ELMOD1: variants seen among roughly 807,000 people sequenced by gnomAD.
ELMOD1 encodes ELMO domain-containing protein 1.
Under a neutral mutation model 46.7 loss-of-function variants are expected in ELMOD1, and 21 were observed. The ratio of observed to expected loss-of-function variants is 0.45; its 90% CI spans 0.32 to 0.65. ELMOD1 has a LOEUF of 0.65. Among genes scored for constraint, ELMOD1 ranks in the 30% least tolerant of loss-of-function variants. ELMOD1 has a pLI of 0.04. For missense variants in ELMOD1, 348 were observed against 407.8 expected (o/e 0.85, Z 1.26); for synonymous variants, 122 against 138.2 (o/e 0.88, Z 0.82).
At chr11:107,633,345 TACTATTAACCTC>T (rs998160061) in intron 5 of ELMOD1, among the ~76,000 whole-genome samples, 1 of 152,248 alleles carries the variant, frequency 6.6e-6, no homozygotes, top group African/African-American at 2.4e-5. Flanking sequence ...AAACTGTTAC[TACTATTAACCTC>T]ACTTGTTTTA....
At position 107,634,087 on chromosome 11, in the gene ELMOD1, A is replaced by G. The variant is rs183309858; in HGVS notation, c.291-1549A>G. On this transcript the variant is annotated intron_variant, in intron 5 of 11. Transcript: ENST00000265840. ...AAAAATATGATGATGTACAGTGATT[A>G]TAATGACCACCACCACACCACCTCA... is the stretch of plus-strand genomic sequence containing the variant. Among the ~76,000 whole-genome samples the G allele has an allele frequency of 2.5e-3, 384 of 152,284 alleles. 1 individual carries two copies. The highest frequency in any genetic ancestry group is 4.3e-3 in the Non-Finnish European group (293 of 68,030).
At chr11:107,627,535 A>G (rs1866063800) in intron 2 of ELMOD1, among the ~76,000 whole-genome samples, 1 of 152,154 alleles carries the variant, frequency 6.6e-6, no homozygotes, top group Non-Finnish European at 1.5e-5. Context: ...GACTGTCTTG[A>G]TGCAAAACAG....
intron 11 of ELMOD1, among the ~76,000 whole-genome samples, chr11:107,660,803 C>T (rs1016390662): frequency 6.6e-6 from 1 of 152,208 alleles, no homozygotes; most frequent in African/African-American, 2.4e-5. Flanking sequence ...CCTCTCCTTT[C>T]CATGCCACTT....
intron 1 of ELMOD1, among the ~76,000 whole-genome samples, chr11:107,610,998 C>CAAAAA (rs58417281): frequency 6.0e-4 from 57 of 95,738 alleles, no homozygotes; most frequent in East Asian, 1.8e-3. Flanking sequence ...TGTAAGAATC[C>CAAAAA]AAAAAAAAAA....
intron 2 of ELMOD1, among the ~76,000 whole-genome samples, chr11:107,620,962 A>T (rs1214523994): frequency 6.6e-6 from 1 of 152,250 alleles, no homozygotes; most frequent in African/African-American, 2.4e-5. Context: ...ACATTTTTTA[A>T]GTCCCAGCTA....
chr11:107,623,116 C>T (rs1156392039), intron 2 of ELMOD1, among the ~76,000 whole-genome samples: 1 of 151,866 alleles, frequency 6.6e-6, no homozygotes, highest in East Asian at 1.9e-4. Context: ...CTAATGCTAT[C>T]CCTCCCCGAT....
chr11:107,605,550 A>G (rs1865671485), intron 1 of ELMOD1, among the ~76,000 whole-genome samples: 1 of 152,204 alleles, frequency 6.6e-6, no homozygotes, highest in Non-Finnish European at 1.5e-5. Flanking sequence ...TGCTGCCTCC[A>G]TGAAAACAGT....
At chr11:107,642,581 G>T (rs1198651418) in intron 6 of ELMOD1, among the ~76,000 whole-genome samples, 1 of 152,000 alleles carries the variant, frequency 6.6e-6, no homozygotes, top group African/African-American at 2.4e-5. Flanking sequence ...GTCTTGGCCA[G>T]GCTGGTCTTC....
At chr11:107,659,936 G>A (rs769831791) in intron 11 of ELMOD1, among the ~76,000 whole-genome samples, 9 of 152,012 alleles carry the variant, frequency 5.9e-5, no homozygotes, top group Admixed American at 1.3e-4. Context: ...GGATTGATAC[G>A]CTTCCAAGAG....
rs117224984 is a variant in ELMOD1, at chr11:107,630,968, C to T, written c.192+240C>T. Among the ~76,000 whole-genome samples the T allele has an allele frequency of 1.6e-3, 249 of 152,224 alleles. 5 individuals are homozygous for T. The East Asian group carries it at 0.043, about 26-fold the overall frequency. On this transcript the variant is annotated intron_variant, in intron 4 of 11. Coordinates refer to ENST00000265840, the MANE Select transcript of ELMOD1 (RefSeq NM_018712.4). ...TACTTCATTGTCAAATGAACCCTTT[C>T]TTATACCTCTTCCCAAATCATAAAA...
At chr11:107,664,383 A>G (rs930678112) in intron 11 of ELMOD1, among the ~76,000 whole-genome samples, 24 of 152,170 alleles carry the variant, frequency 1.6e-4, no homozygotes, top group Non-Finnish European at 1.5e-5. Flanking sequence ...AATACTTAAC[A>G]TTTATTCCCC....
intron 2 of ELMOD1, chr11:107,620,590 G>C (rs1865930068): frequency 6.6e-6 from 1 of 152,240 alleles, no homozygotes; most frequent in South Asian, 2.1e-4. Flanking sequence ...ACATGAGGCT[G>C]GGCGTGGTGG....
chr11:107,625,790 C>G (rs954161676), intron 2 of ELMOD1, among the ~76,000 whole-genome samples: 1 of 152,178 alleles, frequency 6.6e-6, no homozygotes, highest in African/African-American at 2.4e-5. Context: ...GCTGTGAACT[C>G]AGCCATAAAC....
At chr11:107,641,804 A>T (rs976272948) in intron 6 of ELMOD1, among the ~76,000 whole-genome samples, 1 of 152,178 alleles carries the variant, frequency 6.6e-6, no homozygotes, top group South Asian at 2.1e-4. Context: ...TTAAAAACTC[A>T]TTTCCCAAAA....
At chr11:107,622,202 G>A (rs551606746) in intron 2 of ELMOD1, among the ~76,000 whole-genome samples, 75 of 152,296 alleles carry the variant, frequency 4.9e-4, no homozygotes, top group African/African-American at 1.8e-3. Flanking sequence ...TGAGAGAAAG[G>A]AAGGACTAGG....
At chr11:107,591,794 G>T in intron 1 of ELMOD1, 1 of 466,174 alleles carries the variant, frequency 2.1e-6, no homozygotes, top group South Asian at 1.6e-5. Context: ...GCTGGGGCGA[G>T]GGGCTGGTCT....
At chr11:107,607,939 G>A (rs191244442) in intron 1 of ELMOD1, among the ~76,000 whole-genome samples, 1 of 148,300 alleles carries the variant, frequency 6.7e-6, no homozygotes, top group Admixed American at 6.8e-5. Context: ...GTCAAATTGT[G>A]TGTGAACTCC....
chr11:107,610,045 T>C (rs1865749738), intron 1 of ELMOD1, among the ~76,000 whole-genome samples: 1 of 152,102 alleles, frequency 6.6e-6, no homozygotes, highest in Non-Finnish European at 1.5e-5. Flanking sequence ...TTTTGACAAG[T>C]ATATATTAAG....
intron 2 of ELMOD1, among the ~76,000 whole-genome samples, chr11:107,619,680 T>G (rs1473771611): frequency 6.6e-6 from 1 of 152,218 alleles, no homozygotes. Flanking sequence ...TTCTGTTAGT[T>G]TTATTGTTAA....
Sources: gnomAD v4.1 joint callset for allele counts (sites outside exome capture counted in the v4.1 genomes callset) on GRCh38, gnomAD v4.1.1 for gene constraint, MANE v1.5 for transcripts, NCBI Gene and HGNC (gene_info 2026-07-23, HGNC 2026-07-21) for gene names.